KNL1: variants seen among roughly 807,000 people sequenced by gnomAD.
KNL1 encodes the protein outer kinetochore KNL1 complex subunit KNL1.
In KNL1, 66 loss-of-function variants were observed where a neutral mutation model predicts 201.3. The ratio of observed to expected loss-of-function variants is 0.33; its 90% confidence interval spans 0.27 to 0.40. The LOEUF is 0.40. Among genes scored for constraint, KNL1 ranks in the 10% least tolerant of loss-of-function variants. The pLI is 1.00. For synonymous variants in KNL1, 895 were observed against 899.2 expected (o/e 1.00, Z 0.08); for missense variants, 2,815 against 2,690.5 (o/e 1.05, Z -1.02).
At chr15:40,594,584 G>A (rs1891565017) in intron 1 of KNL1, among the ~76,000 whole-genome samples, 192 bp downstream of exon 1, 2 of 152,154 alleles carry the variant, frequency 1.3e-5, no homozygotes. Context: ...CGGCCTGTAC[G>A]TTGTGCCGCC....
Position 40,602,957 on chromosome 15 carries a change from A to T in KNL1, c.26A>T (p.Asn9Ile), listed in dbSNP as rs778536860. MDGVSSEA[N>I]EENDNIERPV... ...ATGGATGGGGTGTCTTCAGAGGCTA[A>T]TGAAGAAAAGTAAGTTCATTTAATG... The change falls in exon 2 of 26, where the codon AAT becomes ATT. Residue 9 changes from asparagine (N) to isoleucine (I), a missense_variant. Asn to Ile is a moderately radical substitution (Grantham distance 149). Around this residue, in one of 3 missense-constraint regions of KNL1, gnomAD observed 2,464 missense variants for 2,291.7 expected, o/e 1.08. Transcript: ENST00000399668. 15 of 1,593,216 alleles carry T rather than the reference A, an allele frequency of 9.4e-6. No individual in the cohort carries two copies. Among genetic ancestry groups the T allele is most frequent in the Non-Finnish European group, 1.3e-5 (15 of 1,164,344 alleles).
chr15:40,660,954 C>T (rs544456523), intron 25 of KNL1, among the ~76,000 whole-genome samples: 2 of 152,292 alleles, frequency 1.3e-5, no homozygotes, highest in African/African-American at 4.8e-5. Flanking sequence ...CAGAACCAGG[C>T]TCTCTCAAAA....
intron 7 of KNL1, among the ~76,000 whole-genome samples, chr15:40,612,872 G>A (rs945449937): frequency 3.9e-5 from 6 of 152,124 alleles, no homozygotes; most frequent in Non-Finnish European, 8.8e-5. Flanking sequence ...AAGTCACTCC[G>A]TGCTAGTGGG....
intron 4 of KNL1, among the ~76,000 whole-genome samples, chr15:40,608,000 T>C (rs1322841025): frequency 1.3e-5 from 2 of 152,164 alleles, no homozygotes; most frequent in African/African-American, 2.4e-5. Flanking sequence ...TGTACACCCA[T>C]GTTCATAGCG....
chr15:40,663,399 C>G lies in KNL1; in HGVS notation c.*1211C>G, dbSNP rs1401172455. ...ATAGTTTTTCTAGGGAAAGTTAATT[C>G]ATTTTTGTCTAGTACATATATGTAA... On this transcript the variant is annotated 3_prime_UTR_variant, in exon 26 of 26. Coordinates refer to ENST00000399668, the MANE Select transcript of KNL1 (RefSeq NM_144508.5). 5.5e-6 allele frequency: 1 copy of G among 180,598 alleles called. No individual in the cohort carries two copies. Among genetic ancestry groups the G allele is most frequent in the African/African-American group, 2.4e-5 (1 of 42,378 alleles). 11.2% of individuals were successfully genotyped at this position (180,598 alleles called of 1,614,324 possible). A position where few individuals can be genotyped will look rare whatever the true frequency, so the allele number is the denominator to read the frequency against.
chr15:40,658,993 A>G (rs2141769662), intron 24 of KNL1, among the ~76,000 whole-genome samples: 1 of 152,018 alleles, frequency 6.6e-6, no homozygotes, highest in South Asian at 2.1e-4. Context: ...CAGCGTAAAA[A>G]TAAAATGAAA....
At chr15:40,660,828 G>A (rs1482258693) in intron 25 of KNL1, among the ~76,000 whole-genome samples, 1 of 151,642 alleles carries the variant, frequency 6.6e-6, no homozygotes, top group Non-Finnish European at 1.5e-5. Context: ...AATTAGCTGG[G>A]TGTGGTGGTG....
chr15:40,626,463 G>A (rs1367124249), intron 10 of KNL1, among the ~76,000 whole-genome samples: 1 of 151,722 alleles, frequency 6.6e-6, no homozygotes, highest in African/African-American at 2.4e-5. Context: ...GAGCCACCAC[G>A]TCCAGCCTGC....
chr15:40,645,155 A>T (rs779316406), intron 15 of KNL1, 68 bp downstream of exon 15: 2 of 1,051,412 alleles, frequency 1.9e-6, no homozygotes, highest in Non-Finnish European at 2.9e-6. Context: ...TTGTGAAATG[A>T]GTAACTGTTA....
chr15:40,605,145 CT>C lies in KNL1; in HGVS notation c.73del (p.Ser25GlnfsTer3). 6.8e-7 allele frequency: 1 copy of C among 1,460,466 alleles called. No homozygotes were observed. Among genetic ancestry groups the C allele is most frequent in the Non-Finnish European group, 9.6e-7 (1 of 1,040,834 alleles). 90.5% of individuals were successfully genotyped at this position (1,460,466 alleles called of 1,614,324 possible). The stretch of plus-strand genomic sequence containing the variant: ...GAGAGACCTGTTAGAAGACGGCATT[CT>C]TCAGTAAGAAAGACTTTCTTGAATT... Reference protein sequence around the residue: ...NIERPVRRRHSSILKPPRSPL... With the variant: ...NIERPVRRRHXSILKPPRSPL... On this transcript the variant is annotated frameshift_variant, in exon 3 of 26. Coordinates refer to ENST00000399668, the MANE Select transcript of KNL1 (RefSeq NM_144508.5). LOFTEE classifies it high-confidence loss of function.
At chr15:40,610,336 T>G (rs1892113079) in intron 6 of KNL1, 39 bp downstream of exon 6, 1 of 1,065,268 alleles carries the variant, frequency 9.4e-7, no homozygotes, top group African/African-American at 1.6e-5. Flanking sequence ...ATCTGCTTTT[T>G]AAAAAATTTT....
At position 40,657,985 on chromosome 15, in the gene KNL1, AACTTG is replaced by A. The variant is rs575315376; in HGVS notation, c.6713+513_6713+517del. ...TAAGTTCTTGGTCAAGTTGGTCAAC[AACTTG>A]GGTGCAGTGGCTCACTCCTGTAATC... On this transcript the variant is annotated intron_variant, in intron 24 of 25. Coordinates refer to ENST00000399668, the MANE Select transcript of KNL1 (RefSeq NM_144508.5). 2.0e-4 allele frequency among the ~76,000 whole-genome samples: 31 copies of A among 152,252 alleles called. No homozygotes were observed. In the South Asian group the frequency reaches 6.2e-3, roughly 31 times the overall value.
chr15:40,645,881 G>A, intron 16 of KNL1, 109 bp downstream of exon 16: 2 of 559,660 alleles, frequency 3.6e-6, no homozygotes, highest in East Asian at 6.7e-5. Context: ...TAAGACTTGG[G>A]CAAAAACTTA....
intron 8 of KNL1, among the ~76,000 whole-genome samples, chr15:40,616,750 A>C (rs896578700): frequency 6.6e-6 from 1 of 152,134 alleles, no homozygotes; most frequent in East Asian, 1.9e-4. Context: ...AAATGGTTCA[A>C]TGACACTGTT....
Position 40,622,454 on chromosome 15 carries a change from T to C in KNL1, c.2190T>C (p.Ser730=), listed in dbSNP as rs1892572344. ...HTVKSVLGQN[S]KLAEPLRKSL... The stretch of plus-strand genomic sequence containing the variant: ...TGAAATCTGTACTAGGCCAGAATTC[T>C]AAACTGGCTGAGCCACTGAGGAAAA... The change falls in exon 10 of 26, where the codon TCT becomes TCC. Residue 730 remains serine (S), a synonymous_variant. Coordinates refer to ENST00000399668, the MANE Select transcript of KNL1 (RefSeq NM_144508.5). 1.9e-6 allele frequency: 3 copies of C among 1,613,842 alleles called. No individual in the cohort carries two copies. In the African/African-American group the frequency reaches 4.0e-5, roughly 22 times the overall value.
intron 8 of KNL1, among the ~76,000 whole-genome samples, chr15:40,617,578 G>C (rs1292164897): frequency 6.6e-6 from 1 of 152,176 alleles, no homozygotes; most frequent in Non-Finnish European, 1.5e-5. Context: ...AGTAGCACTG[G>C]CTTAAATGGA....
Position 40,621,608 on chromosome 15 carries a change from G to A in KNL1, c.1344G>A (p.Glu448=), listed in dbSNP as rs771328468. Residue 448 remains glutamate, a synonymous_variant, in exon 10 of 26, where the codon GAG becomes GAA. Transcript: ENST00000399668. The part of the protein sequence containing the change: ...EMTKCLSNMR[E]EKNLLKHDSN... ...CCAAATGTCTCTCAAATATGAGAGA[G>A]GAGAAAAATTTGCTAAAGCATGACA... 6.2e-7 allele frequency: 1 copy of A among 1,610,706 alleles called. No homozygotes were observed. The highest frequency in any genetic ancestry group is 1.1e-5 in the South Asian group (1 of 90,676).
chr15:40,632,084 C>G (rs1233128010), intron 13 of KNL1, among the ~76,000 whole-genome samples: 1 of 151,512 alleles, frequency 6.6e-6, no homozygotes, highest in African/African-American at 2.4e-5. Context: ...CCTGAAGAGT[C>G]TAATTAAGAA....
chr15:40,612,511 CTGT>C (rs769731621), intron 7 of KNL1, among the ~76,000 whole-genome samples: 1 of 149,900 alleles, frequency 6.7e-6, no homozygotes, highest in Non-Finnish European at 1.5e-5. Context: ...GGTTTTTTTG[CTGT>C]TGTTGTTGTT....
Sources: gnomAD v4.1 joint callset for allele counts (sites outside exome capture counted in the v4.1 genomes callset) on GRCh38, gnomAD v4.1.1 for gene constraint, gnomAD v4.1.1 regional missense constraint, MANE v1.5 for transcripts, NCBI Gene and HGNC (gene_info 2026-07-23, HGNC 2026-07-21) for gene names.